Variants in DPP10 observed in about 807,000 individuals in gnomAD.
The protein encoded by DPP10 is dipeptidyl peptidase like 10, also known as inactive dipeptidyl peptidase 10.
Under a neutral mutation model 120.9 loss-of-function variants are expected in DPP10, and 33 were observed. The ratio of observed to expected loss-of-function variants is 0.27; its 90% CI spans 0.21 to 0.37. The LOEUF (loss-of-function observed/expected upper bound fraction) is 0.37. Among genes scored for constraint, DPP10 ranks in the 10% least tolerant of loss-of-function variants. DPP10 has a pLI of 1.00. For synonymous variants in DPP10, 337 were observed against 326.1 expected, an observed-to-expected ratio of 1.03 and a Z score of -0.36; for missense variants, 816 against 942.8, an observed-to-expected ratio of 0.87 and a Z score of 1.76.
intron 1 of DPP10, among the ~76,000 whole-genome samples, chr2:114,834,254 A>G (rs1290973797): frequency 2.0e-4 from 30 of 150,848 alleles, no homozygotes; most frequent in South Asian, 6.3e-4. Flanking sequence ...CTATGTATAT[A>G]TAAGACATAT....
intron 5 of DPP10, among the ~76,000 whole-genome samples, chr2:115,566,886 A>G (rs2081040068): frequency 6.6e-6 from 1 of 152,142 alleles, no homozygotes; most frequent in Admixed American, 6.5e-5. Context: ...TACAGGGTTT[A>G]ATTTTGCCAT....
In DPP10 at chr2:115,840,135, T is replaced by C. The variant is rs114102018; in HGVS notation, c.2183-615T>C. Among the ~76,000 whole-genome samples the C allele has an allele frequency of 6.0e-3, 914 of 151,544 alleles. 21 individuals carry two copies. The highest frequency in any genetic ancestry group is 0.021 in the African/African-American group (873 of 41,406). On this transcript the variant is annotated intron_variant, in intron 24 of 25. Coordinates refer to ENST00000410059, the MANE Select transcript of DPP10 (RefSeq NM_020868.6). ...AAATTTTATAAAATTTATAAAAATA[T>C]GTGTACCATTAGGAATAATAAATAC...
In DPP10 at chr2:115,542,067, A is replaced by G. The variant is rs535573765; in HGVS notation, c.441+16095A>G. ...AATTGACTAGCATAACATAATTCATACAATTATAGATCTTAAACCTGTTTT... is the reference window on the plus strand; with the variant it reads ...AATTGACTAGCATAACATAATTCATGCAATTATAGATCTTAAACCTGTTTT... On this transcript the variant is annotated intron_variant, in intron 5 of 25. Coordinates refer to ENST00000410059, the MANE Select transcript of DPP10 (RefSeq NM_020868.6). 3.9e-5 allele frequency among the ~76,000 whole-genome samples: 6 copies of G among 152,050 alleles called. No individual in the cohort carries two copies. The South Asian group carries it at 1.2e-3, about 32-fold the overall frequency.
Position 115,017,704 on chromosome 2 carries a change from G to T in DPP10, c.61-291535G>T, listed in dbSNP as rs1010472064. ...AAATGATGAGTTCATGTCCTTCATA[G>T]GGACATGGATGAAGCTGGAAACCAT... On this transcript the variant is annotated intron_variant, in intron 1 of 25. Coordinates refer to ENST00000410059, the MANE Select transcript of DPP10 (RefSeq NM_020868.6). 5.3e-5 allele frequency among the ~76,000 whole-genome samples: 8 copies of T among 152,172 alleles called. No individual in the cohort carries two copies. In the East Asian group the frequency reaches 1.5e-3, roughly 29 times the overall value.
chr2:114,936,787 G>T (rs1292445837), intron 1 of DPP10, among the ~76,000 whole-genome samples: 1 of 152,006 alleles, frequency 6.6e-6, no homozygotes, highest in African/African-American at 2.4e-5. Context: ...GGCCATTCTT[G>T]TAGGAGTGAG....
At chr2:115,827,447 T>TATATATAA (rs1388130768) in intron 21 of DPP10, among the ~76,000 whole-genome samples, 9 of 126,840 alleles carry the variant, frequency 7.1e-5, no homozygotes, top group African/African-American at 2.6e-4. Context: ...TATATATATA[T>TATATATAA]GCTCTACAGT....
At position 115,837,560 on chromosome 2, in the gene DPP10, T is replaced by C. The variant is rs563689439; in HGVS notation, c.2182+814T>C. On this transcript the variant is annotated intron_variant, in intron 24 of 25. Transcript: ENST00000410059. ...TCTTCCTCTTTAGGGTGGGTTCCACTGAATGATTTGCTTCAAGGGTACTAT... is the reference window on the plus strand; with the variant it reads ...TCTTCCTCTTTAGGGTGGGTTCCACCGAATGATTTGCTTCAAGGGTACTAT... Among the ~76,000 whole-genome samples the C allele has an allele frequency of 1.5e-3, 223 of 152,326 alleles. 1 individual carries two copies. The highest frequency in any genetic ancestry group is 3.4e-3 in the Middle Eastern group (1 of 294).
intron 12 of DPP10, among the ~76,000 whole-genome samples, chr2:115,766,738 A>G (rs1357659864): frequency 1.3e-5 from 2 of 152,176 alleles, no homozygotes; most frequent in Non-Finnish European, 2.9e-5. Context: ...GAAAGCTTCC[A>G]GTCATGGCGG....
chr2:114,963,320 T>A (rs1449011004), intron 1 of DPP10, among the ~76,000 whole-genome samples: 1 of 152,122 alleles, frequency 6.6e-6, no homozygotes, highest in Non-Finnish European at 1.5e-5. Context: ...GACACAAATG[T>A]CAGTATCTGT....
chr2:114,780,866 T>C (rs1682263032), intron 1 of DPP10, among the ~76,000 whole-genome samples: 1 of 152,124 alleles, frequency 6.6e-6, no homozygotes, highest in South Asian at 2.1e-4. Flanking sequence ...AGACAGTCTT[T>C]AAGTCAAGAG....
chr2:114,830,562 G>A (rs1003506389), intron 1 of DPP10, among the ~76,000 whole-genome samples: 25 of 151,978 alleles, frequency 1.6e-4, no homozygotes, highest in Non-Finnish European at 2.6e-4. Context: ...TCCCCTCCCC[G>A]TTACACCCAG....
chr2:114,725,868 C>T (rs752972390), intron 1 of DPP10, among the ~76,000 whole-genome samples: 8 of 152,070 alleles, frequency 5.3e-5, no homozygotes, highest in Admixed American at 3.9e-4. Context: ...TCTCCTAAAC[C>T]GAAATGACAA....
rs768382534 is a variant in DPP10, at chr2:115,781,045, G to A, written c.1483+50G>A. On this transcript the variant is annotated intron_variant, in intron 16 of 25. Transcript: ENST00000410059. ...ATAATATATTTTATTCATTGTATTTGGTCAATATCTGTTGGTATCAGCAAC... is the reference window on the plus strand; with the variant it reads ...ATAATATATTTTATTCATTGTATTTAGTCAATATCTGTTGGTATCAGCAAC... 27 of 1,436,072 alleles carry A rather than the reference G, an allele frequency of 1.9e-5. No individual in the cohort carries two copies. The South Asian group carries it at 3.1e-4, about 17-fold the overall frequency. The allele number at this position is 1,436,072 out of a possible 1,614,324, so 89.0% of individuals were successfully genotyped here. A position where few individuals can be genotyped will look rare whatever the true frequency, so the allele number is the denominator to read the frequency against.
At chr2:115,766,670 C>T (rs1365026817) in intron 12 of DPP10, among the ~76,000 whole-genome samples, 1 of 151,996 alleles carries the variant, frequency 6.6e-6, no homozygotes, top group Non-Finnish European at 1.5e-5. Flanking sequence ...GTCTAATTGG[C>T]TCACAGTACT....
intron 1 of DPP10, among the ~76,000 whole-genome samples, chr2:114,703,787 T>C (rs1352795487): frequency 6.6e-6 from 1 of 152,104 alleles, no homozygotes; most frequent in Non-Finnish European, 1.5e-5. Flanking sequence ...AGCTGCTGGG[T>C]TAATAGGAGC....
chr2:115,449,971 C>T (rs150995326), intron 3 of DPP10, among the ~76,000 whole-genome samples: 2 of 151,866 alleles, frequency 1.3e-5, no homozygotes, highest in South Asian at 4.2e-4. Context: ...GGTTTTACCC[C>T]AAAAGCCCAA....
chr2:114,660,136 G>A (rs1187979697), intron 1 of DPP10, among the ~76,000 whole-genome samples: 2 of 152,186 alleles, frequency 1.3e-5, no homozygotes, highest in African/African-American at 2.4e-5. Context: ...GCTGGTATAG[G>A]AAGCTGGTAC....
chr2:114,602,702 G>A (rs1203121246), intron 1 of DPP10, among the ~76,000 whole-genome samples: 1 of 151,984 alleles, frequency 6.6e-6, no homozygotes, highest in East Asian at 1.9e-4. Flanking sequence ...AAGGGAGAGT[G>A]TATTCTTCAA....
At chr2:115,005,637 T>C (rs1701765926) in intron 1 of DPP10, among the ~76,000 whole-genome samples, 1 of 151,702 alleles carries the variant, frequency 6.6e-6, no homozygotes. Flanking sequence ...ATGAAATGAA[T>C]GAAATGAAGC....
Sources: allele counts gnomAD v4.1 joint callset (sites outside exome capture counted in the v4.1 genomes callset), GRCh38; gene constraint gnomAD v4.1.1; transcripts MANE v1.5; gene names NCBI Gene and HGNC (gene_info 2026-07-23, HGNC 2026-07-21).